The following CAMKMT variants were observed in gnomAD, a reference collection of about 807,000 sequenced individuals.
CAMKMT encodes calmodulin-lysine N-methyltransferase.
A neutral mutation model predicts 48.0 loss-of-function variants in CAMKMT; 53 were observed. The observed-to-expected ratio is 1.10, with a 90% CI of 0.89 to 1.39. The LOEUF (loss-of-function observed/expected upper bound fraction) is 1.39. Among genes scored for constraint, CAMKMT ranks in the 40% most tolerant of loss-of-function variants. CAMKMT has a pLI of 0.00. For synonymous variants in CAMKMT, 165 were observed against 152.3 expected (o/e 1.08, Z -0.61); for missense variants, 428 against 402.7 (o/e 1.06, Z -0.54).
intron 2 of CAMKMT, among the ~76,000 whole-genome samples, chr2:44,387,079 C>A (rs544531556): frequency 2.0e-5 from 3 of 152,276 alleles, no homozygotes; most frequent in African/African-American, 7.2e-5. Flanking sequence ...TGTTGACTTT[C>A]TGTCTTGATG....
intron 7 of CAMKMT, among the ~76,000 whole-genome samples, chr2:44,722,367 T>C (rs946507767): frequency 5.3e-5 from 8 of 152,134 alleles, no homozygotes; most frequent in African/African-American, 1.4e-4. Context: ...GTATATGATG[T>C]TTTCTGAGCT....
In CAMKMT at chr2:44,363,613, CA is replaced by C. The variant is rs377489062; in HGVS notation, c.138+1469del. On this transcript the variant is annotated intron_variant, in intron 1 of 10. Coordinates refer to ENST00000378494, the MANE Select transcript of CAMKMT (RefSeq NM_024766.5). ...CAAGCTGGTCTCGAACTCCCCACCTCAGGTGATCCACCCACCTCGGCTTCCC... is the reference window on the plus strand; with the variant it reads ...CAAGCTGGTCTCGAACTCCCCACCTCGGTGATCCACCCACCTCGGCTTCCC... Among the ~76,000 whole-genome samples the C allele has an allele frequency of 1.4e-3, 208 of 151,604 alleles. 3 individuals are homozygous for C. Among genetic ancestry groups the C allele is most frequent in the African/African-American group, 4.8e-3 (197 of 41,298 alleles).
At chr2:44,590,177 C>A (rs1670174312) in intron 3 of CAMKMT, among the ~76,000 whole-genome samples, 2 of 151,894 alleles carry the variant, frequency 1.3e-5, no homozygotes, top group Admixed American at 1.3e-4. Flanking sequence ...TTAATAGAAG[C>A]AGCAACAGAG....
chr2:44,544,821 A>G (rs1226411170), intron 3 of CAMKMT, among the ~76,000 whole-genome samples: 1 of 152,212 alleles, frequency 6.6e-6, no homozygotes, highest in Non-Finnish European at 1.5e-5. Context: ...GAAAATTTAG[A>G]CTTTAAGACT....
chr2:44,563,093 C>T (rs1331311137), intron 3 of CAMKMT, among the ~76,000 whole-genome samples: 3 of 151,674 alleles, frequency 2.0e-5, no homozygotes, highest in Admixed American at 6.6e-5. Context: ...AAAATAAGGC[C>T]GAGAGATTAA....
intron 3 of CAMKMT, among the ~76,000 whole-genome samples, chr2:44,538,958 CTGTGTGTG>C (rs57970764): frequency 0.13 from 18,777 of 140,012 alleles, 1,312 homozygotes; most frequent in African/African-American, 0.21. Flanking sequence ...GTGTGTGTGT[CTGTGTGTG>C]TGTGTGTGTG....
intron 7 of CAMKMT, among the ~76,000 whole-genome samples, chr2:44,736,171 AT>A (rs1209367580): frequency 6.6e-6 from 1 of 151,992 alleles, no homozygotes; most frequent in Non-Finnish European, 1.5e-5. Context: ...TGCCTTAAGG[AT>A]TTCCTTTAAC....
chr2:44,720,287 T>C (rs1678397463), intron 7 of CAMKMT, among the ~76,000 whole-genome samples: 1 of 152,172 alleles, frequency 6.6e-6, no homozygotes, highest in Admixed American at 6.5e-5. Context: ...TAACATTGTA[T>C]TGATTCTTTG....
At chr2:44,690,582 C>T (rs1426827822) in intron 3 of CAMKMT, among the ~76,000 whole-genome samples, 1 of 152,140 alleles carries the variant, frequency 6.6e-6, no homozygotes, top group African/African-American at 2.4e-5. Flanking sequence ...TAATGCATAT[C>T]TTATAGGGGT....
At chr2:44,541,669 GC>G (rs1667113170) in intron 3 of CAMKMT, among the ~76,000 whole-genome samples, 1 of 151,748 alleles carries the variant, frequency 6.6e-6, no homozygotes, top group African/African-American at 2.4e-5. Context: ...TGCTTGGGAG[GC>G]TGAGGTAAGA....
At chr2:44,643,817 G>A (rs1302298918) in intron 3 of CAMKMT, among the ~76,000 whole-genome samples, 1 of 152,192 alleles carries the variant, frequency 6.6e-6, no homozygotes, top group Non-Finnish European at 1.5e-5. Flanking sequence ...AAGACAAGAT[G>A]CTGGTATCAT....
chr2:44,528,149 C>G (rs111961367), intron 3 of CAMKMT, among the ~76,000 whole-genome samples: 75 of 152,188 alleles, frequency 4.9e-4, no homozygotes, highest in Non-Finnish European at 9.1e-4. Context: ...TTGTCCCTTT[C>G]TTTCTTTTGT....
chr2:44,510,615 A>C (rs1397530528), intron 3 of CAMKMT, among the ~76,000 whole-genome samples: 1 of 152,194 alleles, frequency 6.6e-6, no homozygotes, highest in African/African-American at 2.4e-5. Context: ...TTTCCCTCTC[A>C]GATTTTACAT....
At chr2:44,759,954 C>T (rs558524296) in intron 9 of CAMKMT, among the ~76,000 whole-genome samples, 2 of 152,266 alleles carry the variant, frequency 1.3e-5, no homozygotes, top group African/African-American at 4.8e-5. Context: ...TTCGAATTTA[C>T]GCCTTAGTAT....
chr2:44,583,437 T>G (rs1390831342), intron 3 of CAMKMT, among the ~76,000 whole-genome samples: 2 of 152,192 alleles, frequency 1.3e-5, no homozygotes, highest in Non-Finnish European at 2.9e-5. Flanking sequence ...CAGATCAAGT[T>G]TATGCTTCTC....
At chr2:44,656,806 T>C (rs1180333865) in intron 3 of CAMKMT, among the ~76,000 whole-genome samples, 1 of 151,808 alleles carries the variant, frequency 6.6e-6, no homozygotes, top group Non-Finnish European at 1.5e-5. Flanking sequence ...GATGACCTTC[T>C]GACAGAAAAA....
chr2:44,745,461 C>T (rs1057211495), intron 8 of CAMKMT, among the ~76,000 whole-genome samples: 1 of 152,158 alleles, frequency 6.6e-6, no homozygotes, highest in Non-Finnish European at 1.5e-5. Context: ...AACAGGGTCA[C>T]GTACACTGAT....
chr2:44,726,961 T>G (rs1678821945), intron 7 of CAMKMT, among the ~76,000 whole-genome samples: 1 of 152,210 alleles, frequency 6.6e-6, no homozygotes, highest in Admixed American at 6.5e-5. Flanking sequence ...CTTTCTATTC[T>G]GTTCCATTGG....
At chr2:44,381,097 T>C (rs1572691682) in intron 2 of CAMKMT, among the ~76,000 whole-genome samples, 1 of 152,036 alleles carries the variant, frequency 6.6e-6, no homozygotes, top group African/African-American at 2.4e-5. Context: ...GAGACAGAGG[T>C]TGCAGTGAGC....
Sources: allele counts gnomAD v4.1 joint callset (sites outside exome capture counted in the v4.1 genomes callset), GRCh38; gene constraint gnomAD v4.1.1; transcripts MANE v1.5; gene names NCBI Gene and HGNC (gene_info 2026-07-23, HGNC 2026-07-21).